FREM1: variants seen among roughly 807,000 people sequenced by gnomAD.
FREM1 encodes FRAS1-related extracellular matrix protein 1.
In FREM1, 220 loss-of-function variants were observed where a neutral mutation model predicts 210.1. That is an observed-to-expected ratio of 1.05 (90% CI 0.94 to 1.17). The LOEUF (loss-of-function observed/expected upper bound fraction) is 1.17. Among genes scored for constraint, FREM1 ranks in the 50% most tolerant of loss-of-function variants. FREM1 has a pLI of 0.00. For synonymous variants in FREM1, 1,189 were observed against 980.2 expected (o/e 1.21, Z -3.98); for missense variants, 3,454 against 2,675.5 (o/e 1.29, Z -6.42).
At chr9:14,813,524 C>T (rs1408219700) in intron 15 of FREM1, among the ~76,000 whole-genome samples, 1 of 152,166 alleles carries the variant, frequency 6.6e-6, no homozygotes, top group Non-Finnish European at 1.5e-5. Context: ...CAACTTCCTG[C>T]CACCCAGGAA....
At chr9:14,754,863 G>A (rs1156940864) in intron 29 of FREM1, among the ~76,000 whole-genome samples, 1 of 152,164 alleles carries the variant, frequency 6.6e-6, no homozygotes, top group Admixed American at 6.5e-5. Flanking sequence ...GAACCCAGGA[G>A]GCAGAGGTTG....
At chr9:14,880,277 T>TA (rs986376035) in intron 1 of FREM1, among the ~76,000 whole-genome samples, 47 of 151,980 alleles carry the variant, frequency 3.1e-4, no homozygotes, top group Non-Finnish European at 4.3e-4. Flanking sequence ...AATATTTTTT[T>TA]AAAAAAAGGA....
At chr9:14,746,052 A>G (rs1842364568) in intron 35 of FREM1, among the ~76,000 whole-genome samples, 1 of 152,236 alleles carries the variant, frequency 6.6e-6, no homozygotes, top group African/African-American at 2.4e-5. Context: ...AAAAGAAAAT[A>G]AAAGAAAAAG....
At chr9:14,784,676 A>G (rs1036676194) in intron 23 of FREM1, 42 bp from the exon 24 acceptor site, 2 of 1,423,970 alleles carry the variant, frequency 1.4e-6, no homozygotes, top group Non-Finnish European at 1.9e-6. Context: ...CATATCAAAA[A>G]ACACATTATG....
intron 21 of FREM1, 39 bp downstream of exon 21, chr9:14,797,459 G>A (rs763882269): frequency 6.5e-7 from 1 of 1,544,540 alleles, no homozygotes; most frequent in Non-Finnish European, 8.8e-7. Flanking sequence ...TCATAGAATT[G>A]TATAGAAATC....
In FREM1 at chr9:14,891,094, C is replaced by A. The variant is rs529703625; in HGVS notation, c.-268+18820G>T. Among the ~76,000 whole-genome samples, 24 of 152,328 alleles carry A rather than the reference C, an allele frequency of 1.6e-4. No homozygotes were observed. In the South Asian group the frequency reaches 5.0e-3, roughly 32 times the overall value. ...GCCTTCCCCACCAGTGTCACGCCAA[C>A]TGAAATTAATTTTCCTCTTCTTGAG... On this transcript the variant is annotated intron_variant, in intron 1 of 36. Transcript: ENST00000380880.
At chr9:14,809,340 C>T (rs1047257747) in intron 16 of FREM1, among the ~76,000 whole-genome samples, 6 of 152,160 alleles carry the variant, frequency 3.9e-5, no homozygotes, top group African/African-American at 9.7e-5. Flanking sequence ...TGGACTAATA[C>T]AGGGAGGAAT....
At chr9:14,827,914 A>G (rs535050210) in intron 10 of FREM1, among the ~76,000 whole-genome samples, 3 of 152,374 alleles carry the variant, frequency 2.0e-5, no homozygotes, top group African/African-American at 7.2e-5. Flanking sequence ...CACAAGAAGT[A>G]GGCCTTGGCA....
At chr9:14,820,119 T>C (rs1483788337) in intron 13 of FREM1, among the ~76,000 whole-genome samples, 1 of 152,230 alleles carries the variant, frequency 6.6e-6, no homozygotes, top group African/African-American at 2.4e-5. Flanking sequence ...GGATATTTTA[T>C]CACCTCATTG....
chr9:14,792,732 A>T lies in FREM1; in HGVS notation c.3981+11T>A, dbSNP rs1264930223. On this transcript the variant is annotated intron_variant, in intron 22 of 36. Coordinates refer to ENST00000380880, the MANE Select transcript of FREM1 (RefSeq NM_001379081.2). ...GTTAGTTTTGAAAAATAAAAGTAAG[A>T]AGTCACTAACCTTAAGCTGAAGTTG... 1.3e-6 allele frequency: 2 copies of T among 1,572,548 alleles called. No individual in the cohort carries two copies. Among genetic ancestry groups the T allele is most frequent in the Non-Finnish European group, 1.7e-6 (2 of 1,162,596 alleles).
Position 14,816,848 on chromosome 9 carries a change from A to G in FREM1, c.2570T>C (p.Val857Ala). Residue 857 changes from valine (V) to alanine (A), a missense_variant, in exon 15 of 37, where the codon GTT (valine) becomes GCT (alanine). Val to Ala is a moderately conservative substitution (Grantham distance 64). Coordinates refer to ENST00000380880, the MANE Select transcript of FREM1 (RefSeq NM_001379081.2). ...KVRYQHDGTE[V>A]LQDDLLLEVT... ...CTCCAAGAGTAGGTCATCCTGAAGA[A>G]CTTCAGTTCCATCATGTTGATACCT... 1 of 1,426,360 alleles carries G rather than the reference A, an allele frequency of 7.0e-7. No individual in the cohort carries two copies. The highest frequency in any genetic ancestry group is 1.6e-5 in the South Asian group (1 of 61,834). The allele number at this position is 1,426,360 out of a possible 1,614,324, so 88.4% of individuals were successfully genotyped here.
chr9:14,865,238 C>T (rs962022084), intron 2 of FREM1, among the ~76,000 whole-genome samples: 21 of 152,276 alleles, frequency 1.4e-4, no homozygotes, highest in African/African-American at 4.3e-4. Flanking sequence ...TTCAAAAAAG[C>T]AAGTTTAGTG....
chr9:14,857,485 G>A (rs75513240), intron 5 of FREM1, 68 bp downstream of exon 5: 252 of 1,323,756 alleles, frequency 1.9e-4, no homozygotes, highest in Non-Finnish European at 2.5e-4. Context: ...GCGAGCATGA[G>A]TAAGCCTGTG....
At chr9:14,755,529 G>A (rs1339906341) in intron 29 of FREM1, among the ~76,000 whole-genome samples, 1 of 152,134 alleles carries the variant, frequency 6.6e-6, no homozygotes, top group Non-Finnish European at 1.5e-5. Context: ...TCAAACCCCA[G>A]GGAAATAGAG....
At chr9:14,868,647 G>C (rs541057544) in intron 2 of FREM1, 97 bp downstream of exon 2, 2 of 779,576 alleles carry the variant, frequency 2.6e-6, no homozygotes, top group South Asian at 1.6e-5. Context: ...GATGGCTTGA[G>C]GGGAGACATT....
intron 5 of FREM1, among the ~76,000 whole-genome samples, chr9:14,852,847 C>T (rs80000410): frequency 2.0e-5 from 3 of 152,104 alleles, no homozygotes. Flanking sequence ...CTGTGTATAA[C>T]AGAATGCTAA....
intron 21 of FREM1, among the ~76,000 whole-genome samples, chr9:14,795,840 T>C (rs963496695): frequency 6.6e-6 from 1 of 152,180 alleles, no homozygotes; most frequent in Admixed American, 6.5e-5. Flanking sequence ...AGTAAGCACT[T>C]AATAAATGCC....
intron 28 of FREM1, among the ~76,000 whole-genome samples, chr9:14,759,247 C>T (rs982877196): frequency 2.6e-5 from 4 of 152,128 alleles, no homozygotes; most frequent in African/African-American, 7.2e-5. Context: ...AGGTGGCTCA[C>T]GCTTGTAATC....
intron 1 of FREM1, among the ~76,000 whole-genome samples, chr9:14,905,272 G>GAC (rs1817490965): frequency 6.6e-6 from 1 of 152,160 alleles, no homozygotes; most frequent in African/African-American, 2.4e-5. Context: ...AATGGTGAGA[G>GAC]AGAGAGAGAG....
Sources: gnomAD v4.1 joint callset for allele counts (sites outside exome capture counted in the v4.1 genomes callset) on GRCh38, gnomAD v4.1.1 for gene constraint, MANE v1.5 for transcripts, NCBI Gene and HGNC (gene_info 2026-07-23, HGNC 2026-07-21) for gene names.